The following FBXL17 variants were observed in gnomAD, a reference collection of about 807,000 sequenced individuals.
FBXL17 encodes the protein F-box and leucine rich repeat protein 17, also known as F-box/LRR-repeat protein 17.
Under a neutral mutation model 66.2 loss-of-function variants are expected in FBXL17, and 22 were observed. The observed-to-expected ratio is 0.33, with a 90% CI of 0.24 to 0.47. The LOEUF is 0.47. Ranked by LOEUF, FBXL17 falls within the 20% of genes least tolerant of loss-of-function variation. The pLI is 1.00. For missense variants in FBXL17, 878 were observed against 948.2 expected, an observed-to-expected ratio of 0.93 and a Z score of 0.97; for synonymous variants, 474 against 400.5, an observed-to-expected ratio of 1.18 and a Z score of -2.19.
chr5:108,326,624 A>T (rs1759868732), intron 4 of FBXL17, among the ~76,000 whole-genome samples: 1 of 151,964 alleles, frequency 6.6e-6, no homozygotes, highest in Non-Finnish European at 1.5e-5. Flanking sequence ...AAAAAAGCAA[A>T]AGATTTGAAA....
At chr5:107,897,906 T>TA (rs980434111) in intron 7 of FBXL17, among the ~76,000 whole-genome samples, 3 of 135,228 alleles carry the variant, frequency 2.2e-5, no homozygotes, top group African/African-American at 8.6e-5. Flanking sequence ...GTGGATATGA[T>TA]AAAAAAGAAA....
chr5:108,332,319 G>A (rs921427728), intron 4 of FBXL17, among the ~76,000 whole-genome samples: 9 of 151,964 alleles, frequency 5.9e-5, no homozygotes, highest in African/African-American at 1.9e-4. Context: ...ATGAACCAAC[G>A]ATTGTAACTA....
At chr5:108,159,020 A>G (rs1253925999) in intron 6 of FBXL17, among the ~76,000 whole-genome samples, 2 of 152,230 alleles carry the variant, frequency 1.3e-5, no homozygotes, top group Admixed American at 6.5e-5. Flanking sequence ...GGGAACCAGC[A>G]TAATATAAAT....
chr5:108,083,611 T>A (rs986080255), intron 6 of FBXL17, among the ~76,000 whole-genome samples: 46 of 151,444 alleles, frequency 3.0e-4, no homozygotes, highest in Non-Finnish European at 1.6e-4. Flanking sequence ...TTTTACCATG[T>A]TGCTCAGGTT....
At chr5:107,983,651 G>A (rs187344059) in intron 7 of FBXL17, among the ~76,000 whole-genome samples, 5 of 152,240 alleles carry the variant, frequency 3.3e-5, no homozygotes, top group African/African-American at 1.2e-4. Context: ...ATATCCTCTC[G>A]GGTCCATCCC....
At position 108,381,489 on chromosome 5, in the gene FBXL17, G is replaced by T. The variant is rs1749925127; in HGVS notation, c.203C>A (p.Pro68His). 4.4e-6 allele frequency: 6 copies of T among 1,355,680 alleles called. No individual in the cohort carries two copies. The highest frequency in any genetic ancestry group is 3.1e-5 in the East Asian group (1 of 32,386). 84.0% of individuals were successfully genotyped at this position (1,355,680 alleles called of 1,614,324 possible). ...TGGGCCGGCGGGGGCGGGCGCGCCG[G>T]GACTGTGCACGATGAAGCAGAGCAT... is the stretch of plus-strand genomic sequence containing the variant. ...PCMLCFIVHS[P>H]GAPAPAGPEE... Residue 68 changes from proline to histidine, a missense_variant, in exon 1 of 9, where the codon CCC (proline) becomes CAC (histidine). Physicochemically the swap from Pro to His is moderately conservative, Grantham distance 77. This residue lies in a region of FBXL17 where 605 missense variants were observed against 509.5 expected (regional missense o/e 1.19). Transcript: ENST00000542267.
chr5:107,981,237 A>G (rs1278044440), intron 7 of FBXL17, among the ~76,000 whole-genome samples: 4 of 152,198 alleles, frequency 2.6e-5, no homozygotes, highest in Non-Finnish European at 5.9e-5. Flanking sequence ...CGCTAAGTAC[A>G]TGGAGAACCA....
intron 7 of FBXL17, among the ~76,000 whole-genome samples, chr5:108,018,819 T>C (rs1754480502): frequency 6.6e-6 from 1 of 152,144 alleles, no homozygotes; most frequent in African/African-American, 2.4e-5. Flanking sequence ...TTGCCTGACA[T>C]TATCTTCATT....
chr5:108,184,376 G>A (rs988509725), intron 6 of FBXL17, among the ~76,000 whole-genome samples: 21 of 150,678 alleles, frequency 1.4e-4, no homozygotes, highest in African/African-American at 4.2e-4. Context: ...GTGTGATCTC[G>A]GCTCACTGCA....
chr5:108,210,418 G>A (rs1042831700), intron 5 of FBXL17, among the ~76,000 whole-genome samples: 1 of 152,116 alleles, frequency 6.6e-6, no homozygotes, highest in Non-Finnish European at 1.5e-5. Flanking sequence ...GTCAATTTTA[G>A]ATCTTTCCTG....
At chr5:108,223,748 G>T (rs1340646817) in intron 5 of FBXL17, among the ~76,000 whole-genome samples, 2 of 151,960 alleles carry the variant, frequency 1.3e-5, no homozygotes, top group African/African-American at 4.8e-5. Context: ...TTGATAATAT[G>T]CACTGACCAT....
chr5:107,869,886 C>T (rs1748391336), intron 8 of FBXL17, among the ~76,000 whole-genome samples: 1 of 152,192 alleles, frequency 6.6e-6, no homozygotes, highest in Admixed American at 6.5e-5. Flanking sequence ...TGCCATAAAC[C>T]CTACAGTGAC....
intron 6 of FBXL17, among the ~76,000 whole-genome samples, chr5:108,090,933 C>CG (rs1268799432): frequency 2.0e-5 from 3 of 150,482 alleles, no homozygotes; most frequent in African/African-American, 7.4e-5. Flanking sequence ...TAGTCACTAT[C>CG]ATCTCTTTTT....
intron 4 of FBXL17, among the ~76,000 whole-genome samples, chr5:108,237,147 A>G (rs2150094514): frequency 6.6e-6 from 1 of 152,296 alleles, no homozygotes; most frequent in Middle Eastern, 3.4e-3. Flanking sequence ...AATAATAAAG[A>G]CACATTTATA....
intron 6 of FBXL17, among the ~76,000 whole-genome samples, chr5:108,153,148 G>A (rs1383097484): frequency 6.6e-6 from 1 of 152,162 alleles, no homozygotes; most frequent in Non-Finnish European, 1.5e-5. Context: ...GTGGAACTGT[G>A]AGTCAGTTAA....
chr5:107,860,359 T>C lies in FBXL17; in HGVS notation c.*1361A>G, dbSNP rs754314220. ...TCTACTGTGAAAGATAATCACTCTT[T>C]AGCTTAAAAAGGCTCCCTGATGTCC... is the stretch of plus-strand genomic sequence containing the variant. On this transcript the variant is annotated 3_prime_UTR_variant, in exon 9 of 9. Coordinates refer to ENST00000542267, the MANE Select transcript of FBXL17 (RefSeq NM_001163315.3). 3 of 152,558 alleles carry C rather than the reference T, an allele frequency of 2.0e-5. No individual in the cohort carries two copies. The highest frequency in any genetic ancestry group is 4.4e-5 in the Non-Finnish European group (3 of 68,004). The allele number at this position is 152,558 out of a possible 1,614,324, so 9.5% of individuals were successfully genotyped here.
intron 6 of FBXL17, among the ~76,000 whole-genome samples, chr5:108,155,616 T>G (rs1751965743): frequency 6.6e-6 from 1 of 152,196 alleles, no homozygotes; most frequent in African/African-American, 2.4e-5. Context: ...ACATTTTGAC[T>G]AGCAGATCCC....
intron 4 of FBXL17, among the ~76,000 whole-genome samples, chr5:108,309,951 T>C (rs1759037709): frequency 6.6e-6 from 1 of 152,148 alleles, no homozygotes; most frequent in Admixed American, 6.5e-5. Flanking sequence ...TAAAAACAAT[T>C]CTGTTTAAAT....
intron 7 of FBXL17, among the ~76,000 whole-genome samples, chr5:107,948,091 G>A (rs889600541): frequency 2.0e-5 from 3 of 151,812 alleles, no homozygotes; most frequent in African/African-American, 7.3e-5. Context: ...ATCTCTCAAG[G>A]CACTATGGTT....
Sources: gnomAD v4.1 joint callset for allele counts (sites outside exome capture counted in the v4.1 genomes callset) on GRCh38, gnomAD v4.1.1 for gene constraint, gnomAD v4.1.1 regional missense constraint, MANE v1.5 for transcripts, NCBI Gene and HGNC (gene_info 2026-07-23, HGNC 2026-07-21) for gene names.